Variants in ETV6 observed in about 807,000 individuals in gnomAD.
ETV6 encodes the protein transcription factor ETV6.
In ETV6, 16 loss-of-function variants were observed where a neutral mutation model predicts 51.1. That is an observed-to-expected ratio of 0.31 (90% CI 0.21 to 0.48). The LOEUF is 0.48. Among genes scored for constraint, ETV6 ranks in the 20% least tolerant of loss-of-function variants. ETV6 has a pLI of 0.99. For synonymous variants in ETV6, 240 were observed against 224.1 expected, an observed-to-expected ratio of 1.07 and a Z score of -0.64; for missense variants, 458 against 594.8, an observed-to-expected ratio of 0.77 and a Z score of 2.39.
intron 3 of ETV6, among the ~76,000 whole-genome samples, chr12:11,842,800 A>G (rs1946410103): frequency 6.6e-6 from 1 of 152,204 alleles, no homozygotes; most frequent in Non-Finnish European, 1.5e-5. Flanking sequence ...CTGTGATCCT[A>G]ATGGGAGGCA....
intron 1 of ETV6, among the ~76,000 whole-genome samples, chr12:11,708,932 A>G (rs368100514): frequency 6.6e-6 from 1 of 152,326 alleles, no homozygotes. Context: ...GCAAGGTCTA[A>G]GCACATGAAA....
At chr12:11,697,723 G>A (rs1864904591) in intron 1 of ETV6, among the ~76,000 whole-genome samples, 1 of 152,190 alleles carries the variant, frequency 6.6e-6, no homozygotes. Context: ...TGTGAGAGGA[G>A]TAATTAATTA....
chr12:11,752,571 C>T lies in ETV6; in HGVS notation c.155C>T (p.Ala52Val), dbSNP rs774396176. Residue 52 changes from alanine (A) to valine (V), a missense_variant, in exon 2 of 8, where the codon GCG becomes GTG. Coordinates refer to ENST00000396373, the MANE Select transcript of ETV6 (RefSeq NM_001987.5). The part of the protein sequence containing the change: ...RMEEDSIRLP[A>V]HLRLQPIYWS... Reference sequence around the variant, plus strand: ...GAGGAAGACTCGATCCGCCTGCCTGCGCACCTGCGTGAGTGTTCGTGACCC... The same window carrying T: ...GAGGAAGACTCGATCCGCCTGCCTGTGCACCTGCGTGAGTGTTCGTGACCC... The T allele has an allele frequency of 3.1e-5, 50 of 1,611,998 alleles. No homozygotes were observed. Among genetic ancestry groups the T allele is most frequent in the African/African-American group, 1.6e-4 (12 of 74,910 alleles).
rs114339277 is a variant in ETV6 at position 11,834,518 on chromosome 12, G to T, written c.164-4622G>T. Among the ~76,000 whole-genome samples, 219 of 152,338 alleles carry T rather than the reference G, an allele frequency of 1.4e-3. 2 individuals carry two copies. The highest frequency in any genetic ancestry group is 4.9e-3 in the African/African-American group (202 of 41,578). On this transcript the variant is annotated intron_variant, in intron 2 of 7. Coordinates refer to ENST00000396373, the MANE Select transcript of ETV6 (RefSeq NM_001987.5). ...ATTAAACTGAAAAGAGAATGCAACA[G>T]ACTTCACTGGGCTTTTGTGAGAATT...
At chr12:11,668,342 G>A (rs1460580613) in intron 1 of ETV6, among the ~76,000 whole-genome samples, 2 of 141,320 alleles carry the variant, frequency 1.4e-5, no homozygotes, top group Non-Finnish European at 1.6e-5. Flanking sequence ...AAAAGCTAAC[G>A]TACTTTCCAA....
intron 1 of ETV6, among the ~76,000 whole-genome samples, chr12:11,733,985 G>A (rs539699934): frequency 3.3e-5 from 5 of 152,112 alleles, no homozygotes; most frequent in Non-Finnish European, 7.4e-5. Flanking sequence ...GTGGTGTAAC[G>A]GAAATTACCT....
At chr12:11,795,707 C>T (rs556291516) in intron 2 of ETV6, among the ~76,000 whole-genome samples, 1 of 152,302 alleles carries the variant, frequency 6.6e-6, no homozygotes, top group African/African-American at 2.4e-5. Flanking sequence ...CCATGGTATA[C>T]AGAAAGGTAA....
At chr12:11,789,140 G>C (rs866434604) in intron 2 of ETV6, among the ~76,000 whole-genome samples, 14 of 152,096 alleles carry the variant, frequency 9.2e-5, no homozygotes, top group East Asian at 7.7e-4. Context: ...TCAAGCGATT[G>C]TCCTGCCTCA....
chr12:11,695,866 G>A (rs1864869790), intron 1 of ETV6, among the ~76,000 whole-genome samples: 2 of 152,196 alleles, frequency 1.3e-5, no homozygotes, highest in South Asian at 4.1e-4. Flanking sequence ...AGCATGTTCA[G>A]TTGGCTTTTT....
intron 1 of ETV6, among the ~76,000 whole-genome samples, chr12:11,733,984 C>T (rs1001155266): frequency 1.3e-5 from 2 of 152,102 alleles, no homozygotes; most frequent in African/African-American, 2.4e-5. Context: ...AGTGGTGTAA[C>T]GGAAATTACC....
At chr12:11,861,785 A>G (rs990966281) in intron 4 of ETV6, among the ~76,000 whole-genome samples, 11 of 152,196 alleles carry the variant, frequency 7.2e-5, no homozygotes, top group African/African-American at 2.7e-4. Flanking sequence ...TCCCCACTCC[A>G]GGGCCTCTCT....
chr12:11,664,968 T>G (rs1452451190), intron 1 of ETV6, among the ~76,000 whole-genome samples: 1 of 152,216 alleles, frequency 6.6e-6, no homozygotes, highest in Non-Finnish European at 1.5e-5. Flanking sequence ...GCAAGGCCCT[T>G]TACTGCCTAC....
intron 1 of ETV6, among the ~76,000 whole-genome samples, chr12:11,734,321 T>C (rs12303444): frequency 0.073 from 11,138 of 152,062 alleles, 1,325 homozygotes; most frequent in African/African-American, 0.25. Flanking sequence ...AATGACCACA[T>C]CTGAACTGGG....
At chr12:11,867,409 C>T (rs2136533333) in intron 4 of ETV6, among the ~76,000 whole-genome samples, 1 of 152,254 alleles carries the variant, frequency 6.6e-6, no homozygotes, top group South Asian at 2.1e-4. Context: ...TTTATTAAAT[C>T]AGTCTTCTAT....
intron 1 of ETV6, among the ~76,000 whole-genome samples, chr12:11,706,492 GCTGT>G (rs1865074827): frequency 6.6e-6 from 1 of 152,346 alleles, no homozygotes; most frequent in African/African-American, 2.4e-5. Flanking sequence ...TTTAGAGGCT[GCTGT>G]CTGTTTTTCA....
intron 4 of ETV6, among the ~76,000 whole-genome samples, chr12:11,867,417 T>A (rs1456354597): frequency 1.3e-5 from 2 of 152,246 alleles, no homozygotes; most frequent in East Asian, 3.8e-4. Context: ...ATCAGTCTTC[T>A]ATTGATAGCT....
intron 4 of ETV6, among the ~76,000 whole-genome samples, chr12:11,855,124 T>C (rs1374894044): frequency 4.5e-5 from 6 of 133,694 alleles, no homozygotes; most frequent in Non-Finnish European, 6.3e-5. Flanking sequence ...TGAAACCCCG[T>C]CTCTACTAAA....
At chr12:11,885,285 A>G (rs1049650466) in intron 6 of ETV6, among the ~76,000 whole-genome samples, 3 of 152,214 alleles carry the variant, frequency 2.0e-5, no homozygotes, top group Non-Finnish European at 2.9e-5. Flanking sequence ...AGGTGTGCCC[A>G]GACCTGCAGC....
chr12:11,651,210 G>A (rs1356449487), intron 1 of ETV6, among the ~76,000 whole-genome samples: 1 of 152,230 alleles, frequency 6.6e-6, no homozygotes. Flanking sequence ...AGCTGCTGAA[G>A]TTTGTTTTTG....
Sources: allele counts gnomAD v4.1 joint callset (sites outside exome capture counted in the v4.1 genomes callset), GRCh38; gene constraint gnomAD v4.1.1; transcripts MANE v1.5; gene names NCBI Gene and HGNC (gene_info 2026-07-23, HGNC 2026-07-21).